Variants in ITGAE observed in about 807,000 individuals in gnomAD.
ITGAE encodes the protein integrin subunit alpha E.
A neutral mutation model predicts 136.5 loss-of-function variants in ITGAE; 99 were observed. That is an observed-to-expected ratio of 0.73 (90% CI 0.62 to 0.86). ITGAE has a LOEUF of 0.86. ITGAE is among the 40% of genes least tolerant of loss of function. The pLI is 0.00. For synonymous variants in ITGAE, 613 were observed against 591.8 expected (o/e 1.04, Z -0.52); for missense variants, 1,447 against 1,515.3 (o/e 0.95, Z 0.75).
chr17:3,790,166 C>T (rs911315189), intron 1 of ITGAE, among the ~76,000 whole-genome samples: 1 of 152,138 alleles, frequency 6.6e-6, no homozygotes, highest in Non-Finnish European at 1.5e-5. Context: ...TGCAGGTCTT[C>T]AGACCACATT....
At chr17:3,791,578 C>T (rs2052941637) in intron 1 of ITGAE, among the ~76,000 whole-genome samples, 1 of 152,130 alleles carries the variant, frequency 6.6e-6, no homozygotes, top group Admixed American at 6.5e-5. Context: ...CCACCACGCC[C>T]GGCCCTTCAT....
chr17:3,778,199 C>T (rs562790572), intron 1 of ITGAE, among the ~76,000 whole-genome samples: 1 of 152,290 alleles, frequency 6.6e-6, no homozygotes, highest in South Asian at 2.1e-4. Context: ...TGGTATATTC[C>T]TACAGTAGAA....
At chr17:3,783,089 T>C (rs1184240863) in intron 1 of ITGAE, among the ~76,000 whole-genome samples, 1 of 151,916 alleles carries the variant, frequency 6.6e-6, no homozygotes, top group African/African-American at 2.4e-5. Flanking sequence ...TTGGGTTCAG[T>C]ATTTATTTTG....
Position 3,753,369 on chromosome 17 carries a change from T to C in ITGAE, c.1589A>G (p.Asp530Gly), listed in dbSNP as rs1597334006. ...AAATGGAGCAGCCACCAGCAAGAAG[T>C]CCGTGCTTCCATCCATGTCAATGTC... ...PVDIDMDGST[D>G]FLLVAAPFYH... The change falls in exon 14 of 31, where the codon GAC (aspartate) becomes GGC (glycine). Residue 530 changes from aspartate to glycine, a missense_variant. Asp to Gly is a moderately conservative substitution (Grantham distance 94). This residue lies in a region of ITGAE where 1,031 missense variants were observed against 1,011.4 expected (regional missense o/e 1.02). Coordinates refer to ENST00000263087, the MANE Select transcript of ITGAE (RefSeq NM_002208.5). 2 of 1,614,012 alleles carry C rather than the reference T, an allele frequency of 1.2e-6. No individual in the cohort carries two copies. The highest frequency in any genetic ancestry group is 2.7e-5 in the African/African-American group (2 of 74,900).
Position 3,753,442 on chromosome 17 carries a change from G to A in ITGAE, c.1528-12C>T. The A allele has an allele frequency of 6.2e-7, 1 of 1,611,682 alleles. No homozygotes were observed. Among genetic ancestry groups the A allele is most frequent in the Non-Finnish European group, 8.5e-7 (1 of 1,178,242 alleles). On this transcript the variant is annotated splice_polypyrimidine_tract_variant and intron_variant, in intron 13 of 30. Coordinates refer to ENST00000263087, the MANE Select transcript of ITGAE (RefSeq NM_002208.5). ...AAATAGGACCCCATCTACAGCCCGG[G>A]AGGAACTCAGCTCACCAGGAGCCCC...
intron 8 of ITGAE, among the ~76,000 whole-genome samples, chr17:3,759,086 C>G (rs2052098192): frequency 6.7e-6 from 1 of 148,538 alleles, no homozygotes; most frequent in African/African-American, 2.5e-5. Context: ...GATCGTGCCA[C>G]TGCACTCCAG....
At position 3,795,916 on chromosome 17, in the gene ITGAE, CGT is replaced by C. The variant is rs758464284; in HGVS notation, c.34+5193_34+5194del. ...GTGTGTGCATCTGTGTATGCGCATC[CGT>C]GTGTGTGCATCCGTGTGTGTGCATC... On this transcript the variant is annotated intron_variant, in intron 1 of 30. Transcript: ENST00000263087. Among the ~76,000 whole-genome samples, 189 of 112,334 alleles carry C rather than the reference CGT, an allele frequency of 1.7e-3. 1 individual carries two copies. The highest frequency in any genetic ancestry group is 4.8e-3 in the African/African-American group (128 of 26,702). The allele number at this position is 112,334 out of a possible 152,430, so 73.7% of individuals were successfully genotyped here.
chr17:3,756,092 C>T (rs2052015824), intron 10 of ITGAE, among the ~76,000 whole-genome samples, 195 bp from the exon 11 acceptor site: 1 of 152,200 alleles, frequency 6.6e-6, no homozygotes, highest in Admixed American at 6.5e-5. Flanking sequence ...TTCTAGGCCT[C>T]AGTTTCCTCG....
Position 3,714,715 on chromosome 17 carries a change from T to C in ITGAE, c.*132A>G, listed in dbSNP as rs1306551566. ...GCACAGACACTTTTGGGACAATGTA[T>C]GGTTAAAAACTAATATTCTACCAAC... On this transcript the variant is annotated 3_prime_UTR_variant, in exon 31 of 31. Transcript: ENST00000263087. The C allele has an allele frequency of 1.8e-6, 1 of 566,306 alleles. No individual in the cohort carries two copies. The highest frequency in any genetic ancestry group is 1.9e-5 in the African/African-American group (1 of 52,590). The allele number at this position is 566,306 out of a possible 1,614,324, so 35.1% of individuals were successfully genotyped here.
intron 14 of ITGAE, 34 bp from the exon 15 acceptor site, chr17:3,751,908 A>G (rs1205315283): frequency 6.4e-7 from 1 of 1,573,746 alleles, no homozygotes; most frequent in Admixed American, 1.7e-5. Context: ...GCCCTCAAGA[A>G]GGGGTGCTAG....
chr17:3,774,671 A>C (rs1274175372), intron 2 of ITGAE, among the ~76,000 whole-genome samples: 1 of 152,172 alleles, frequency 6.6e-6, no homozygotes, highest in African/African-American at 2.4e-5. Context: ...AGGCTGAGGC[A>C]GGAGAATCAC....
At chr17:3,791,028 G>A (rs572440268) in intron 1 of ITGAE, among the ~76,000 whole-genome samples, 4 of 151,694 alleles carry the variant, frequency 2.6e-5, no homozygotes, top group African/African-American at 7.2e-5. Context: ...GGTGGTGGGC[G>A]CCTCTAGTCC....
chr17:3,764,866 C>T (rs1342130354), intron 2 of ITGAE, among the ~76,000 whole-genome samples: 1 of 152,130 alleles, frequency 6.6e-6, no homozygotes, highest in Non-Finnish European at 1.5e-5. Context: ...TCACCATCCA[C>T]GTTACCCAGG....
chr17:3,796,987 C>T (rs1001091833), intron 1 of ITGAE, among the ~76,000 whole-genome samples: 3 of 148,550 alleles, frequency 2.0e-5, no homozygotes, highest in East Asian at 2.0e-4. Flanking sequence ...TGCAGCCAGC[C>T]GCAGTCCCCC....
chr17:3,800,572 C>CA (rs1030481445), intron 1 of ITGAE, among the ~76,000 whole-genome samples: 4 of 152,080 alleles, frequency 2.6e-5, no homozygotes, highest in African/African-American at 9.7e-5. Flanking sequence ...TGCCTCCCCC[C>CA]ACCCCACATT....
At chr17:3,720,283 ACTC>A (rs1186607751) in intron 29 of ITGAE, 21 bp downstream of exon 29, 1 of 1,195,708 alleles carries the variant, frequency 8.4e-7, no homozygotes, top group Admixed American at 1.7e-5. Context: ...CTTGGGCACT[ACTC>A]AGAAGCCAGC....
At chr17:3,776,393 A>G (rs1017835253) in intron 2 of ITGAE, among the ~76,000 whole-genome samples, 16 of 152,114 alleles carry the variant, frequency 1.1e-4, no homozygotes, top group African/African-American at 3.9e-4. Flanking sequence ...CATTATCTCA[A>G]ATAGTCTTTG....
At chr17:3,742,633 T>C (rs1206982042) in intron 19 of ITGAE, among the ~76,000 whole-genome samples, 1 of 152,086 alleles carries the variant, frequency 6.6e-6, no homozygotes, top group Non-Finnish European at 1.5e-5. Flanking sequence ...CTTTGTATTT[T>C]TTAAAATTTA....
At chr17:3,764,106 G>A (rs2052237651) in intron 2 of ITGAE, 146 bp from the exon 3 acceptor site, 2 of 622,224 alleles carry the variant, frequency 3.2e-6, no homozygotes, top group Non-Finnish European at 5.8e-6. Context: ...TCTGGATTAT[G>A]GGGAAGACAT....
Sources: gnomAD v4.1 joint callset for allele counts (sites outside exome capture counted in the v4.1 genomes callset) on GRCh38, gnomAD v4.1.1 for gene constraint, gnomAD v4.1.1 regional missense constraint, MANE v1.5 for transcripts, NCBI Gene and HGNC (gene_info 2026-07-23, HGNC 2026-07-21) for gene names.